Variants in OR4Q3 observed in about 807,000 individuals in gnomAD.
OR4Q3 encodes olfactory receptor 4Q3.
A neutral mutation model predicts 18.8 loss-of-function variants in OR4Q3; 17 were observed. That is an observed-to-expected ratio of 0.91 (90% CI 0.62 to 1.36). OR4Q3 has a LOEUF of 1.36. OR4Q3 is among the 40% of genes most tolerant of loss of function. The probability of loss-of-function intolerance (pLI) is 0.00; values close to 1 mark genes in which losing one functional copy is unlikely to be tolerated. For missense variants in OR4Q3, 378 were observed against 373.4 expected, an observed-to-expected ratio of 1.01 and a Z score of -0.10; for synonymous variants, 158 against 145.8, an observed-to-expected ratio of 1.08 and a Z score of -0.60.
At chr14:19,747,606 T>C in exon 2 of OR4Q3, 1 of 1,613,904 alleles carries the variant, frequency 6.2e-7, no homozygotes, top group African/African-American at 1.3e-5. Flanking sequence ...CAATCTCCTA[T>C]GTATTATTTT....
intron 1 of OR4Q3, among the ~76,000 whole-genome samples, chr14:19,744,007 G>A (rs1191977267): frequency 6.6e-6 from 1 of 152,130 alleles, no homozygotes; most frequent in Non-Finnish European, 1.5e-5. Flanking sequence ...TTCTGCTATA[G>A]TCCCTTCTAG....
At chr14:19,744,737 A>T (rs1268082751) in intron 1 of OR4Q3, among the ~76,000 whole-genome samples, 1 of 152,176 alleles carries the variant, frequency 6.6e-6, no homozygotes, top group Non-Finnish European at 1.5e-5. Flanking sequence ...TGCTAATGGG[A>T]TAATGAAGCT....
intron 1 of OR4Q3, among the ~76,000 whole-genome samples, chr14:19,746,405 C>A: frequency 6.6e-6 from 1 of 152,106 alleles, no homozygotes; most frequent in Non-Finnish European, 1.5e-5. Context: ...AATATCTTAG[C>A]AAATCTTCTT....
chr14:19,750,470 T>A, downstream of OR4Q3, among the ~76,000 whole-genome samples: 1 of 152,248 alleles, frequency 6.6e-6, no homozygotes, highest in African/African-American at 2.4e-5. Flanking sequence ...ACTTTTACAA[T>A]GTTTTTTATA....
At chr14:19,749,445 A>G in exon 2 of OR4Q3, 3 of 152,582 alleles carry the variant, frequency 2.0e-5, no homozygotes, top group African/African-American at 7.3e-5. Context: ...CTAAAAATAC[A>G]AAATTAGCCG....
At chr14:19,751,222 A>G, downstream of OR4Q3, among the ~76,000 whole-genome samples, 72 of 152,326 alleles carry the variant, frequency 4.7e-4, no homozygotes, top group East Asian at 0.012. Context: ...TGTTTCCAGG[A>G]ACAAAGCCTA....
chr14:19,747,823 C>T lies in OR4Q3; in HGVS notation c.420C>T (p.Arg140=). 9 of 1,613,890 alleles carry T rather than the reference C, an allele frequency of 5.6e-6. No individual in the cohort carries two copies. In the African/African-American group the frequency reaches 1.2e-4, roughly 22 times the overall value. ...ATGTTGCCATCTGTAACCCTTTGCG[C>T]TACCTTACAGTCATGAACCCCCAGC... The change falls in exon 2 of 2, where the codon CGC becomes CGT. Residue 140 remains arginine (R), a synonymous_variant. Transcript: ENST00000642117.
At chr14:19,745,480 C>T in intron 1 of OR4Q3, among the ~76,000 whole-genome samples, 1 of 152,222 alleles carries the variant, frequency 6.6e-6, no homozygotes, top group African/African-American at 2.4e-5. Flanking sequence ...TGTTTCTCAG[C>T]CATATTCTGA....
chr14:19,748,454 T>C, exon 2 of OR4Q3: 3 of 982,230 alleles, frequency 3.1e-6, no homozygotes, highest in Non-Finnish European at 4.5e-6. Flanking sequence ...AAAACCACTT[T>C]GATGACGTTG....
At chr14:19,744,212 T>C (rs754387714) in intron 1 of OR4Q3, among the ~76,000 whole-genome samples, 59 of 152,168 alleles carry the variant, frequency 3.9e-4, no homozygotes, top group Admixed American at 5.9e-4. Flanking sequence ...TTCTTGGTTT[T>C]CAGGAGAAAT....
downstream of OR4Q3, among the ~76,000 whole-genome samples, chr14:19,749,907 T>TTTC: frequency 0.012 from 99 of 8,340 alleles, 1 homozygote; most frequent in South Asian, 0.067. Flanking sequence ...TCTTTCTTTC[T>TTTC]TTTTTCTTTC....
chr14:19,752,302 T>C, downstream of OR4Q3, among the ~76,000 whole-genome samples: 2 of 152,116 alleles, frequency 1.3e-5, no homozygotes, highest in African/African-American at 4.8e-5. Flanking sequence ...CAAATGTAAA[T>C]AGAACTTAAA....
downstream of OR4Q3, among the ~76,000 whole-genome samples, chr14:19,749,668 T>C: frequency 2.2e-5 from 3 of 133,580 alleles, no homozygotes; most frequent in Non-Finnish European, 4.7e-5. Flanking sequence ...ATTAAGTTAA[T>C]ATTTTATTTC....
downstream of OR4Q3, among the ~76,000 whole-genome samples, chr14:19,750,389 A>T: frequency 4.6e-5 from 7 of 152,254 alleles, no homozygotes; most frequent in Admixed American, 4.6e-4. Flanking sequence ...TCTCTGACAT[A>T]GGATCCTTGC....
intron 1 of OR4Q3, among the ~76,000 whole-genome samples, chr14:19,746,165 C>A: frequency 6.6e-6 from 1 of 151,960 alleles, no homozygotes; most frequent in Non-Finnish European, 1.5e-5. Context: ...GAACCCAGTG[C>A]AACATGGATT....
At chr14:19,744,904 T>G in intron 1 of OR4Q3, among the ~76,000 whole-genome samples, 1 of 152,186 alleles carries the variant, frequency 6.6e-6, no homozygotes, top group Non-Finnish European at 1.5e-5. Flanking sequence ...TAATTTCTTA[T>G]TGTGATCAGA....
downstream of OR4Q3, among the ~76,000 whole-genome samples, chr14:19,751,099 G>T: frequency 6.6e-6 from 1 of 152,236 alleles, no homozygotes. Context: ...ATAGCAAAAT[G>T]TATAGTCTTG....
exon 2 of OR4Q3, chr14:19,747,979 A>G: frequency 6.2e-7 from 1 of 1,614,062 alleles, no homozygotes; most frequent in Non-Finnish European, 8.5e-7. Context: ...ATGTCCCACA[A>G]GTCATCAAGC....
intron 1 of OR4Q3, among the ~76,000 whole-genome samples, chr14:19,746,485 T>G: frequency 6.6e-6 from 1 of 152,200 alleles, no homozygotes; most frequent in South Asian, 2.1e-4. Context: ...CTTATTACTC[T>G]GTCCTGTAAA....
Sources: allele counts gnomAD v4.1 joint callset (sites outside exome capture counted in the v4.1 genomes callset), GRCh38; gene constraint gnomAD v4.1.1; transcripts MANE v1.5; gene names NCBI Gene and HGNC (gene_info 2026-07-23, HGNC 2026-07-21).